Variants in ARMH4 observed in about 807,000 individuals in gnomAD.
ARMH4 encodes the protein armadillo-like helical domain-containing protein 4.
ARMH4 carries 49 observed loss-of-function variants against 61.9 expected under a neutral mutation model. The ratio of observed to expected loss-of-function variants is 0.79; its 90% CI spans 0.63 to 1.00. The LOEUF (loss-of-function observed/expected upper bound fraction) is 1.00, where lower values mean the gene tolerates loss of function less well. Ranked by LOEUF, ARMH4 falls within the 50% of genes least tolerant of loss-of-function variation. The probability of loss-of-function intolerance (pLI) is 0.00; values close to 1 mark genes in which losing one functional copy is unlikely to be tolerated. For synonymous variants in ARMH4, 368 were observed against 341.5 expected, an observed-to-expected ratio of 1.08 and a Z score of -0.85; for missense variants, 934 against 930.0, an observed-to-expected ratio of 1.00 and a Z score of -0.06.
At chr14:58,081,463 T>C (rs1885222763) in intron 5 of ARMH4, among the ~76,000 whole-genome samples, 1 of 152,096 alleles carries the variant, frequency 6.6e-6, no homozygotes, top group Non-Finnish European at 1.5e-5. Flanking sequence ...TGTATGAGGC[T>C]ACTAAGTAGT....
intron 1 of ARMH4, among the ~76,000 whole-genome samples, chr14:58,151,615 C>G (rs1188906889): frequency 6.6e-6 from 1 of 152,240 alleles, no homozygotes; most frequent in African/African-American, 2.4e-5. Flanking sequence ...GATTGTTAGG[C>G]TCTGAGTGGC....
chr14:58,005,220 A>G (rs745523256), intron 6 of ARMH4, 38 bp from the exon 7 acceptor site: 21 of 1,612,910 alleles, frequency 1.3e-5, no homozygotes, highest in African/African-American at 2.7e-5. Context: ...GATGCTAAAC[A>G]GAGCGCGCCG....
intron 5 of ARMH4, among the ~76,000 whole-genome samples, chr14:58,029,189 C>T (rs1883125500): frequency 1.3e-5 from 2 of 151,836 alleles, no homozygotes; most frequent in Admixed American, 1.3e-4. Context: ...TAAGTTGAAT[C>T]ATACAACATA....
chr14:58,106,628 C>G (rs1464404283), intron 4 of ARMH4, among the ~76,000 whole-genome samples: 1 of 152,186 alleles, frequency 6.6e-6, no homozygotes, highest in Non-Finnish European at 1.5e-5. Flanking sequence ...TGGCAGATCT[C>G]TGACAATCTC....
At chr14:58,040,745 G>T (rs1883665566) in intron 5 of ARMH4, among the ~76,000 whole-genome samples, 2 of 152,116 alleles carry the variant, frequency 1.3e-5, no homozygotes, top group African/African-American at 4.8e-5. Context: ...TTCCCACCAA[G>T]ATTTTGTCTG....
intron 5 of ARMH4, among the ~76,000 whole-genome samples, chr14:58,043,849 T>C (rs550484339): frequency 3.5e-4 from 54 of 152,288 alleles, no homozygotes; most frequent in Middle Eastern, 3.4e-3. Flanking sequence ...TGAACTCCCA[T>C]TCACAATTGC....
intron 5 of ARMH4, among the ~76,000 whole-genome samples, chr14:58,056,270 C>A (rs1884345971): frequency 6.6e-6 from 1 of 152,188 alleles, no homozygotes; most frequent in South Asian, 2.1e-4. Flanking sequence ...GAAAATCATT[C>A]TGCAGTACTT....
chr14:58,139,781 A>G (rs1319210101), intron 1 of ARMH4, among the ~76,000 whole-genome samples: 1 of 152,264 alleles, frequency 6.6e-6, no homozygotes, highest in Non-Finnish European at 1.5e-5. Context: ...CAACATGTCC[A>G]AGAAATAAAA....
At chr14:58,046,461 A>G (rs1883949357) in intron 5 of ARMH4, among the ~76,000 whole-genome samples, 1 of 152,188 alleles carries the variant, frequency 6.6e-6, no homozygotes, top group Non-Finnish European at 1.5e-5. Flanking sequence ...GTGCAGTAAG[A>G]AAGGCACAAG....
intron 1 of ARMH4, among the ~76,000 whole-genome samples, chr14:58,145,909 G>A (rs1887719303): frequency 1.3e-5 from 2 of 152,218 alleles, no homozygotes; most frequent in African/African-American, 4.8e-5. Context: ...TAAACTGATA[G>A]ATGACCTTCA....
intron 5 of ARMH4, among the ~76,000 whole-genome samples, chr14:58,038,989 GCACCCACCAC>G (rs886960755): frequency 1.3e-5 from 2 of 152,120 alleles, no homozygotes; most frequent in Non-Finnish European, 2.9e-5. Context: ...ACAGTCCCAG[GCACCCACCAC>G]CACCCCTGGA....
chr14:58,130,304 C>T (rs1367816092), intron 4 of ARMH4, among the ~76,000 whole-genome samples: 1 of 152,208 alleles, frequency 6.6e-6, no homozygotes, highest in Non-Finnish European at 1.5e-5. Context: ...CTCCACACTG[C>T]TCCTAAAATG....
rs189104933 is a variant in ARMH4 at position 58,121,882 on chromosome 14, C to T, written c.1831+9630G>A. ...AAAAGTATTAGATGTTTCATGTGTT[C>T]GTGTTAATAGTTATAAAATTATTTT... On this transcript the variant is annotated intron_variant, in intron 4 of 7. Coordinates refer to ENST00000267485, the MANE Select transcript of ARMH4 (RefSeq NM_001001872.4). Among the ~76,000 whole-genome samples, 5 of 152,256 alleles carry T rather than the reference C, an allele frequency of 3.3e-5. No individual in the cohort carries two copies. In the East Asian group the frequency reaches 5.8e-4, roughly 18 times the overall value.
chr14:58,126,667 A>G (rs1442332585), intron 4 of ARMH4, among the ~76,000 whole-genome samples: 1 of 152,234 alleles, frequency 6.6e-6, no homozygotes, highest in African/African-American at 2.4e-5. Flanking sequence ...AAAACTAAAT[A>G]TAAAGACAGA....
At chr14:58,006,778 G>A (rs573397085) in intron 6 of ARMH4, among the ~76,000 whole-genome samples, 1 of 129,262 alleles carries the variant, frequency 7.7e-6, no homozygotes, top group Non-Finnish European at 1.6e-5. Flanking sequence ...GGGGAGGGGG[G>A]AGGGACAGCA....
chr14:58,061,106 G>T (rs1391432952), intron 5 of ARMH4, among the ~76,000 whole-genome samples: 2 of 152,092 alleles, frequency 1.3e-5, no homozygotes, highest in African/African-American at 4.8e-5. Context: ...ACTCCGTGAG[G>T]CTCCTCCTTG....
intron 4 of ARMH4, among the ~76,000 whole-genome samples, chr14:58,112,880 C>A (rs1886399967): frequency 6.6e-6 from 1 of 152,088 alleles, no homozygotes; most frequent in African/African-American, 2.4e-5. Context: ...TCTTTTTCCC[C>A]TGGCTTTTTT....
chr14:58,060,533 C>T (rs1884494438), intron 5 of ARMH4, among the ~76,000 whole-genome samples: 1 of 152,170 alleles, frequency 6.6e-6, no homozygotes, highest in Non-Finnish European at 1.5e-5. Context: ...AACACTGTGG[C>T]ATTTGTAAGT....
chr14:58,086,175 T>C (rs12433260), intron 5 of ARMH4, among the ~76,000 whole-genome samples: 63,351 of 151,652 alleles, frequency 0.42, 13,543 homozygotes, highest in Non-Finnish European at 0.47. Context: ...CCATCTGATT[T>C]TCCTCTGATT....
Sources: gnomAD v4.1 joint callset for allele counts (sites outside exome capture counted in the v4.1 genomes callset) on GRCh38, gnomAD v4.1.1 for gene constraint, MANE v1.5 for transcripts, NCBI Gene and HGNC (gene_info 2026-07-23, HGNC 2026-07-21) for gene names.